ARHGEF17: variants seen among roughly 807,000 people sequenced by gnomAD.
The protein encoded by ARHGEF17 is 164 kDa Rho-specific guanine-nucleotide exchange factor.
ARHGEF17 carries 80 observed loss-of-function variants against 174.0 expected under a neutral mutation model. That is an observed-to-expected ratio of 0.46 (90% CI 0.38 to 0.55). The LOEUF is 0.55. ARHGEF17 is among the 20% of genes least tolerant of loss of function. The pLI is 0.00. For synonymous variants in ARHGEF17, 1,311 were observed against 1,189.1 expected, an observed-to-expected ratio of 1.10 and a Z score of -2.11; for missense variants, 2,886 against 2,839.7, an observed-to-expected ratio of 1.02 and a Z score of -0.37.
chr11:73,351,328 T>G (rs1187443526), intron 2 of ARHGEF17, among the ~76,000 whole-genome samples: 2 of 92,546 alleles, frequency 2.2e-5, no homozygotes, highest in Non-Finnish European at 3.9e-5. Context: ...CACCCTCCTG[T>G]TTTTTTTAGC....
At chr11:73,345,468 G>A (rs114107231) in intron 1 of ARHGEF17, among the ~76,000 whole-genome samples, 158 of 152,106 alleles carry the variant, frequency 1.0e-3, no homozygotes, top group African/African-American at 3.6e-3. Flanking sequence ...TGAGTCCCTG[G>A]TCAGAGGGCA....
chr11:73,319,777 T>C (rs1425685174), intron 1 of ARHGEF17, among the ~76,000 whole-genome samples: 1 of 152,200 alleles, frequency 6.6e-6, no homozygotes, highest in Non-Finnish European at 1.5e-5. Context: ...TGCCAGGAGC[T>C]TTCACCAAGG....
intron 1 of ARHGEF17, among the ~76,000 whole-genome samples, chr11:73,320,473 A>T (rs1219682730): frequency 9.4e-6 from 1 of 106,204 alleles, no homozygotes; most frequent in Non-Finnish European, 2.0e-5. Context: ...TGTCTCCACT[A>T]AAAAAAAAAA....
intron 3 of ARHGEF17, chr11:73,353,374 C>T (rs1487052266): frequency 1.1e-5 from 3 of 270,200 alleles, no homozygotes; most frequent in African/African-American, 6.5e-5. Flanking sequence ...GACCTCCACC[C>T]TATCTTTACT....
rs1338228385 is a variant in ARHGEF17 at position 73,363,436 on chromosome 11, C to T, written c.5227C>T (p.Leu1743=). Residue 1743 remains leucine, a synonymous_variant, in exon 15 of 21, where the codon CTG becomes TTG. Transcript: ENST00000263674. ...TGAGGCCTACCAGAGCTCCGTGTGG[C>T]TGGGCACTGAGGATGGCTGGTAGGG... ...DPEAYQSSVW[L]GTEDGCVHVY... 1.9e-6 allele frequency: 3 copies of T among 1,612,794 alleles called. No homozygotes were observed. The African/African-American group carries it at 4.0e-5, about 22-fold the overall frequency.
intron 20 of ARHGEF17, among the ~76,000 whole-genome samples, chr11:73,366,414 A>G (rs1865839969): frequency 6.6e-6 from 1 of 152,202 alleles, no homozygotes; most frequent in Non-Finnish European, 1.5e-5. Flanking sequence ...AGCACAGAAA[A>G]TGGACTGATA....
At chr11:73,313,378 A>G (rs1864874037) in intron 1 of ARHGEF17, among the ~76,000 whole-genome samples, 1 of 152,050 alleles carries the variant, frequency 6.6e-6, no homozygotes, top group South Asian at 2.1e-4. Flanking sequence ...CTCCTTTCCC[A>G]TATATCTTTT....
At position 73,355,915 on chromosome 11, in the gene ARHGEF17, C is replaced by T; in HGVS notation, c.3625C>T (p.Pro1209Ser). Residue 1209 changes from proline to serine, a missense_variant, in exon 5 of 21, where the codon CCT (proline) becomes TCT (serine). Pro to Ser is a moderately conservative substitution (Grantham distance 74). This residue lies in a region of ARHGEF17 where 353 missense variants were observed against 470.3 expected (regional missense o/e 0.75). Coordinates refer to ENST00000263674, the MANE Select transcript of ARHGEF17 (RefSeq NM_014786.4). Reference protein sequence around the residue: ...KQALSDLMIKPVQRIPRYELL... With the variant: ...KQALSDLMIKSVQRIPRYELL... ...GGCGCTGTCTGACCTCATGATCAAG[C>T]CTGTGCAGCGGATCCCACGCTACGA... 1 of 1,614,194 alleles carries T rather than the reference C, an allele frequency of 6.2e-7. No individual in the cohort carries two copies. Among genetic ancestry groups the T allele is most frequent in the Non-Finnish European group, 8.5e-7 (1 of 1,180,034 alleles).
intron 20 of ARHGEF17, among the ~76,000 whole-genome samples, chr11:73,366,382 G>A (rs56140159): frequency 0.069 from 10,484 of 152,260 alleles, 431 homozygotes; most frequent in Non-Finnish European, 0.099. Context: ...AATAGCAACA[G>A]AAAACAACAT....
chr11:73,343,123 C>T (rs1051590623), intron 1 of ARHGEF17: 4 of 381,002 alleles, frequency 1.0e-5, no homozygotes, highest in Admixed American at 4.5e-5. Context: ...GCGCCCCCGC[C>T]CCAGCGGCTG....
intron 1 of ARHGEF17, among the ~76,000 whole-genome samples, chr11:73,345,445 C>T (rs1166031689): frequency 1.3e-5 from 2 of 152,032 alleles, no homozygotes; most frequent in African/African-American, 4.8e-5. Context: ...ACTGTGGGGA[C>T]AGGCCTTGCC....
chr11:73,325,437 A>G (rs1052013019), intron 1 of ARHGEF17, among the ~76,000 whole-genome samples: 19 of 152,078 alleles, frequency 1.2e-4, no homozygotes, highest in Non-Finnish European at 4.4e-5. Context: ...GCTGGAGGGG[A>G]GCACACTGAA....
chr11:73,332,410 T>TGTGTGTGTGTGTGTGTGTGTG (rs1865223510), intron 1 of ARHGEF17, among the ~76,000 whole-genome samples: 2 of 69,142 alleles, frequency 2.9e-5, no homozygotes, highest in East Asian at 6.2e-4. Flanking sequence ...TGTGTGTGTA[T>TGTGTGTGTGTGTGTGTGTGTG]TTTAAATAAC....
At position 73,365,503 on chromosome 11, in the gene ARHGEF17, A is replaced by G. The variant is rs1865820062; in HGVS notation, c.5664A>G (p.Pro1888=). 2 of 1,614,156 alleles carry G rather than the reference A, an allele frequency of 1.2e-6. No homozygotes were observed. Among genetic ancestry groups the G allele is most frequent in the Non-Finnish European group, 1.7e-6 (2 of 1,180,034 alleles). The change falls in exon 19 of 21, where the codon CCA becomes CCG. Residue 1888 remains proline (P), a synonymous_variant. Transcript: ENST00000263674. The surrounding 1 kb of genome is among the most constrained non-coding windows in gnomAD (Gnocchi z 4.9). ...KGSAHVCLYH[P]DTFEQLAEVD... is the part of the protein sequence containing the mutation. ...GTGCCCACGTGTGTCTCTACCATCC[A>G]GACACCTTTGAGCAGCTGGCAGAAG...
At chr11:73,330,622 G>C (rs1386280357) in intron 1 of ARHGEF17, among the ~76,000 whole-genome samples, 2 of 152,330 alleles carry the variant, frequency 1.3e-5, no homozygotes, top group South Asian at 4.1e-4. Flanking sequence ...AGTGGCACCA[G>C]ATAACTTGCT....
intron 1 of ARHGEF17, among the ~76,000 whole-genome samples, chr11:73,317,631 G>C (rs1385712062): frequency 3.9e-5 from 6 of 152,214 alleles, no homozygotes; most frequent in Non-Finnish European, 7.4e-5. Flanking sequence ...CCCTGAAATG[G>C]GGGCCCTGGG....
At chr11:73,334,944 T>C (rs1384449357) in intron 1 of ARHGEF17, among the ~76,000 whole-genome samples, 1 of 152,234 alleles carries the variant, frequency 6.6e-6, no homozygotes, top group African/African-American at 2.4e-5. Flanking sequence ...GTGGTGGTCC[T>C]GGGCCACAGG....
intron 1 of ARHGEF17, among the ~76,000 whole-genome samples, chr11:73,345,151 G>A (rs770479629): frequency 2.0e-4 from 31 of 152,150 alleles, no homozygotes; most frequent in Admixed American, 1.1e-3. Context: ...AGCCTTGCTC[G>A]CACTGCCTCC....
chr11:73,366,129 G>GTA (rs1296542412), intron 20 of ARHGEF17, among the ~76,000 whole-genome samples, 182 bp downstream of exon 20: 1 of 152,108 alleles, frequency 6.6e-6, no homozygotes, highest in Non-Finnish European at 1.5e-5. Flanking sequence ...TTGTGTGTGT[G>GTA]TGTGTGTGTG....
Sources: gnomAD v4.1 joint callset for allele counts (sites outside exome capture counted in the v4.1 genomes callset) on GRCh38, gnomAD v4.1.1 for gene constraint, gnomAD v4.1.1 regional missense constraint, Gnocchi (gnomAD v3.1) non-coding constraint, MANE v1.5 for transcripts, NCBI Gene and HGNC (gene_info 2026-07-23, HGNC 2026-07-21) for gene names.